The following ZFAT variants were observed in gnomAD, a reference collection of about 807,000 sequenced individuals.
ZFAT encodes zinc finger protein ZFAT.
A neutral mutation model predicts 117.7 loss-of-function variants in ZFAT; 64 were observed. The ratio of observed to expected loss-of-function variants is 0.54; its 90% CI spans 0.44 to 0.67. The LOEUF (loss-of-function observed/expected upper bound fraction) is 0.67, where lower values mean the gene tolerates loss of function less well. ZFAT is among the 30% of genes least tolerant of loss of function. The pLI, the probability that ZFAT is intolerant of heterozygous loss-of-function variation, is 0.00. For synonymous variants in ZFAT, 679 were observed against 615.0 expected (o/e 1.10, Z -1.54); for missense variants, 1,433 against 1,584.5 (o/e 0.90, Z 1.62).
chr8:134,624,180 G>A (rs1221766358), intron 3 of ZFAT, among the ~76,000 whole-genome samples: 2 of 146,190 alleles, frequency 1.4e-5, no homozygotes, highest in African/African-American at 5.2e-5. Context: ...ATGTGCACAT[G>A]CACACACACA....
intron 15 of ZFAT, among the ~76,000 whole-genome samples, chr8:134,499,854 C>A (rs943226897): frequency 6.6e-6 from 1 of 152,184 alleles, no homozygotes; most frequent in Non-Finnish European, 1.5e-5. Context: ...ACAGGGCAGA[C>A]GTCCGGTGGG....
At chr8:134,633,153 T>C (rs1829998015) in intron 3 of ZFAT, among the ~76,000 whole-genome samples, 1 of 152,118 alleles carries the variant, frequency 6.6e-6, no homozygotes, top group African/African-American at 2.4e-5. Flanking sequence ...AACTAAAAGA[T>C]ACACTTACAG....
chr8:134,623,904 C>G (rs570981217), intron 3 of ZFAT, among the ~76,000 whole-genome samples: 42 of 152,204 alleles, frequency 2.8e-4, no homozygotes, highest in African/African-American at 9.1e-4. Flanking sequence ...AGAGAAGCCC[C>G]TTCCACAAGC....
At chr8:134,747,176 C>A in the ZFAT span, among the ~76,000 whole-genome samples, 1 of 151,990 alleles carries the variant, frequency 6.6e-6, no homozygotes, top group African/African-American at 2.4e-5. Flanking sequence ...GCAGCCTCGA[C>A]CTCCCAGGTT....
At chr8:134,546,424 T>C (rs1316155027) in intron 11 of ZFAT, among the ~76,000 whole-genome samples, 2 of 152,164 alleles carry the variant, frequency 1.3e-5, no homozygotes, top group African/African-American at 4.8e-5. Flanking sequence ...ATCAATCCCC[T>C]AAAATGCAAG....
the ZFAT span, among the ~76,000 whole-genome samples, chr8:134,783,285 C>T: frequency 2.6e-5 from 4 of 152,112 alleles, no homozygotes; most frequent in Non-Finnish European, 4.4e-5. Context: ...GGTCCATGCC[C>T]GTTAGGAATC....
In ZFAT at chr8:134,601,525, A is replaced by G. The variant is rs1563656807; in HGVS notation, c.2194T>C (p.Cys732Arg). The change falls in exon 6 of 16, where the codon TGT becomes CGT. Residue 732 changes from cysteine (C) to arginine (R), a missense_variant. By Grantham distance (180) the Cys-to-Arg change is radical. Around this residue, in one of 5 missense-constraint regions of ZFAT, gnomAD observed 372 missense variants for 355.6 expected, o/e 1.05. Coordinates refer to ENST00000377838, the MANE Select transcript of ZFAT (RefSeq NM_020863.4). ...CCATAAACCTTCCGGATCCGCTCAC[A>G]CAAGCTGGTGTTCATTTGCTTCTTC... Reference protein sequence around the residue: ...LQKKQMNTSLCERIRKVYGDL... With the variant: ...LQKKQMNTSLRERIRKVYGDL... 2 of 1,614,144 alleles carry G rather than the reference A, an allele frequency of 1.2e-6. No individual in the cohort carries two copies. The highest frequency in any genetic ancestry group is 1.7e-6 in the Non-Finnish European group (2 of 1,180,014).
At chr8:134,818,772 G>T in the ZFAT span, among the ~76,000 whole-genome samples, 2 of 152,200 alleles carry the variant, frequency 1.3e-5, no homozygotes, top group African/African-American at 4.8e-5. Flanking sequence ...CAATAAGAAA[G>T]AGTAACTATT....
At chr8:134,811,159 AT>A in the ZFAT span, among the ~76,000 whole-genome samples, 1 of 152,204 alleles carries the variant, frequency 6.6e-6, no homozygotes, top group African/African-American at 2.4e-5. Flanking sequence ...AAAATTATTA[AT>A]TTCTTAATTC....
intron 3 of ZFAT, among the ~76,000 whole-genome samples, chr8:134,631,499 A>T (rs779387391): frequency 6.6e-6 from 1 of 152,212 alleles, no homozygotes; most frequent in Non-Finnish European, 1.5e-5. Context: ...TGCATCTCAA[A>T]TTCTTCAGTC....
At chr8:134,711,630 A>T (rs565779476) in intron 1 of ZFAT, among the ~76,000 whole-genome samples, 3 of 152,238 alleles carry the variant, frequency 2.0e-5, no homozygotes, top group Non-Finnish European at 2.9e-5. Context: ...CCAAAAAATT[A>T]AAAAAATTAA....
At chr8:134,824,536 T>C in the ZFAT span, among the ~76,000 whole-genome samples, 7 of 152,212 alleles carry the variant, frequency 4.6e-5, no homozygotes, top group Non-Finnish European at 1.0e-4. Context: ...AATGCTTGAC[T>C]TCCTCCAGCA....
At chr8:134,771,903 T>C in the ZFAT span, among the ~76,000 whole-genome samples, 2 of 152,224 alleles carry the variant, frequency 1.3e-5, no homozygotes, top group African/African-American at 4.8e-5. Flanking sequence ...TCACATCTTA[T>C]GTGGATGGAG....
the ZFAT span, among the ~76,000 whole-genome samples, chr8:134,822,320 T>C: frequency 4.6e-5 from 7 of 152,156 alleles, no homozygotes; most frequent in Non-Finnish European, 1.0e-4. Flanking sequence ...CTTTATTTCC[T>C]GGCACTATTC....
the ZFAT span, among the ~76,000 whole-genome samples, chr8:134,814,961 T>A: frequency 6.6e-6 from 1 of 152,250 alleles, no homozygotes; most frequent in Admixed American, 6.5e-5. Flanking sequence ...CCAGGTTTAT[T>A]TTTTAAATGT....
Position 134,532,871 on chromosome 8 carries a change from G to A in ZFAT, c.3078C>T (p.Gly1026=), listed in dbSNP as rs769668903. ...GCACCTCCGCTGCCAGCTCCCCGGTGCCCACGTTGGCATACTCCTCATTAG... is the reference window on the plus strand; with the variant it reads ...GCACCTCCGCTGCCAGCTCCCCGGTACCCACGTTGGCATACTCCTCATTAG... ...KHPNEEYANV[G]TGELAAEVLI... is the part of the protein sequence containing the mutation. Residue 1026 remains glycine, a synonymous_variant, in exon 12 of 16, where the codon GGC becomes GGT. Coordinates refer to ENST00000377838, the MANE Select transcript of ZFAT (RefSeq NM_020863.4). The A allele has an allele frequency of 1.2e-6, 2 of 1,609,532 alleles. No individual in the cohort carries two copies. Among genetic ancestry groups the A allele is most frequent in the Non-Finnish European group, 1.7e-6 (2 of 1,178,014 alleles).
the ZFAT span, among the ~76,000 whole-genome samples, chr8:134,730,803 A>G: frequency 6.6e-6 from 1 of 152,208 alleles, no homozygotes; most frequent in African/African-American, 2.4e-5. Context: ...AGGCATGCAA[A>G]TTCATGTCTT....
At chr8:134,731,549 G>A in the ZFAT span, among the ~76,000 whole-genome samples, 1 of 152,304 alleles carries the variant, frequency 6.6e-6, no homozygotes, top group African/African-American at 2.4e-5. Context: ...AAATAAATGG[G>A]CATGGCTGTG....
chr8:134,504,150 G>A (rs1057258625), intron 15 of ZFAT, among the ~76,000 whole-genome samples: 5 of 152,078 alleles, frequency 3.3e-5, no homozygotes, highest in South Asian at 2.1e-4. Flanking sequence ...CTGGCCATTC[G>A]TATGTGCACA....
Sources: allele counts gnomAD v4.1 joint callset (sites outside exome capture counted in the v4.1 genomes callset), GRCh38; gene constraint gnomAD v4.1.1; regional missense constraint gnomAD v4.1.1; transcripts MANE v1.5; gene names NCBI Gene and HGNC (gene_info 2026-07-23, HGNC 2026-07-21).